Variants in RCOR3 observed in about 807,000 individuals in gnomAD.
RCOR3 encodes REST corepressor 3.
RCOR3 carries 13 observed loss-of-function variants against 64.1 expected under a neutral mutation model. The observed-to-expected ratio is 0.20, with a 90% confidence interval of 0.13 to 0.32. The LOEUF (loss-of-function observed/expected upper bound fraction) is 0.32. Among genes scored for constraint, RCOR3 ranks in the 10% least tolerant of loss-of-function variants. The pLI is 1.00. For missense variants in RCOR3, 489 were observed against 701.2 expected (o/e 0.70, Z 3.42); for synonymous variants, 215 against 239.0 (o/e 0.90, Z 0.93).
chr1:211,301,249 A>G (rs1700350293), intron 9 of RCOR3, among the ~76,000 whole-genome samples: 1 of 152,186 alleles, frequency 6.6e-6, no homozygotes, highest in Non-Finnish European at 1.5e-5. Flanking sequence ...ACTCCACCTG[A>G]ATGTCGAATA....
In RCOR3 at chr1:211,271,236, T is replaced by C. The variant is rs771685369; in HGVS notation, c.228T>C (p.Ala76=). 1.2e-6 allele frequency: 2 copies of C among 1,611,938 alleles called. No homozygotes were observed. Among genetic ancestry groups the C allele is most frequent in the South Asian group, 2.2e-5 (2 of 90,896 alleles). ...GTAATTATCTTTTTCCCCCAGGTGC[T>C]ACAAAGTACACAGATAAAGACAATG... The part of the protein sequence containing the change: ...QARIPEFDPG[A]TKYTDKDNGG... Residue 76 remains alanine (A), a synonymous_variant, in exon 3 of 12, where the codon GCT becomes GCC. Transcript: ENST00000419091.
chr1:211,295,884 T>TA, intron 9 of RCOR3, 131 bp downstream of exon 9: 1 of 611,182 alleles, frequency 1.6e-6, no homozygotes, highest in Non-Finnish European at 2.9e-6. Context: ...GATAATTTAT[T>TA]ATGTCTCTTT....
intron 8 of RCOR3, among the ~76,000 whole-genome samples, chr1:211,292,223 T>A (rs1699324015): frequency 6.6e-6 from 1 of 152,208 alleles, no homozygotes; most frequent in African/African-American, 2.4e-5. Flanking sequence ...CTCTCTGGAG[T>A]ATGTGTGTTT....
rs1393964044 is a variant in RCOR3 at position 211,278,107 on chromosome 1, T to C, written c.517-10T>C. 1 of 1,587,750 alleles carries C rather than the reference T, an allele frequency of 6.3e-7. No individual in the cohort carries two copies. Among genetic ancestry groups the C allele is most frequent in the Non-Finnish European group, 8.6e-7 (1 of 1,168,522 alleles). ...TTAAACTTGCTGATATTAACATGAT[T>C]TTTTTTAAGCTTCCAGATAAGACAA... On this transcript the variant is annotated splice_polypyrimidine_tract_variant and intron_variant, in intron 5 of 11. Coordinates refer to ENST00000419091, the MANE Select transcript of RCOR3 (RefSeq NM_001136223.3).
chr1:211,269,519 C>A (rs1695795908), intron 2 of RCOR3, among the ~76,000 whole-genome samples: 1 of 151,890 alleles, frequency 6.6e-6, no homozygotes, highest in Non-Finnish European at 1.5e-5. Context: ...ATCGCTTGAA[C>A]CTGAGAGGCA....
At chr1:211,284,800 G>A (rs1698308494) in intron 7 of RCOR3, among the ~76,000 whole-genome samples, 1 of 152,208 alleles carries the variant, frequency 6.6e-6, no homozygotes, top group Non-Finnish European at 1.5e-5. Context: ...GGGATAACAG[G>A]TGTGAGCCCT....
intron 9 of RCOR3, among the ~76,000 whole-genome samples, chr1:211,300,573 A>C (rs1339781098): frequency 1.3e-5 from 2 of 152,154 alleles, no homozygotes; most frequent in Non-Finnish European, 2.9e-5. Flanking sequence ...TTTGTCTTCT[A>C]TACATGTAGG....
At chr1:211,277,574 A>T (rs1464038120) in intron 5 of RCOR3, among the ~76,000 whole-genome samples, 1 of 152,246 alleles carries the variant, frequency 6.6e-6, no homozygotes, top group Admixed American at 6.5e-5. Flanking sequence ...AAAAGGTCAC[A>T]TATTGTATGA....
chr1:211,289,587 A>G (rs992496858), intron 8 of RCOR3, among the ~76,000 whole-genome samples, 191 bp downstream of exon 8: 1 of 152,166 alleles, frequency 6.6e-6, no homozygotes, highest in Non-Finnish European at 1.5e-5. Context: ...GAATCCCAGC[A>G]TTGCTGCCTG....
At chr1:211,294,164 T>C (rs1699579232) in intron 8 of RCOR3, among the ~76,000 whole-genome samples, 1 of 152,258 alleles carries the variant, frequency 6.6e-6, no homozygotes, top group African/African-American at 2.4e-5. Context: ...ATGATTTTTG[T>C]CAGCAAAACA....
chr1:211,312,601 G>A lies in RCOR3; in HGVS notation c.1076-119G>A. 1 of 758,274 alleles carries A rather than the reference G, an allele frequency of 1.3e-6. No individual in the cohort carries two copies. The highest frequency in any genetic ancestry group is 2.4e-5 in the East Asian group (1 of 40,874). The allele number at this position is 758,274 out of a possible 1,614,324, so 47.0% of individuals were successfully genotyped here. A position where few individuals can be genotyped will look rare whatever the true frequency, so the allele number is the denominator to read the frequency against. ...AGCCTCTATCTCAGAATTGAGAAATGAGCAGAGTTTATCAGAAAGGAATTT... is the reference window on the plus strand; with the variant it reads ...AGCCTCTATCTCAGAATTGAGAAATAAGCAGAGTTTATCAGAAAGGAATTT... On this transcript the variant is annotated intron_variant, in intron 10 of 11. Coordinates refer to ENST00000419091, the MANE Select transcript of RCOR3 (RefSeq NM_001136223.3). This position sits in a 1 kb window ranked among gnomAD's most constrained non-coding sequence, Gnocchi z 5.0.
intron 2 of RCOR3, 106 bp downstream of exon 2, chr1:211,260,270 G>A: frequency 1.0e-6 from 1 of 972,676 alleles, no homozygotes; most frequent in South Asian, 1.4e-5. Flanking sequence ...ATGCGGGGTT[G>A]GGCTGGGCAG....
At chr1:211,261,447 C>A (rs774569333) in intron 2 of RCOR3, among the ~76,000 whole-genome samples, 2 of 152,116 alleles carry the variant, frequency 1.3e-5, no homozygotes, top group Non-Finnish European at 2.9e-5. Flanking sequence ...AAATGACTGG[C>A]TGGGAATACA....
At chr1:211,284,672 C>G (rs2102544643) in intron 7 of RCOR3, among the ~76,000 whole-genome samples, 1 of 152,186 alleles carries the variant, frequency 6.6e-6, no homozygotes, top group East Asian at 1.9e-4. Context: ...CATGCACCAC[C>G]ACACCCAGCT....
At chr1:211,290,130 A>T (rs1699069086) in intron 8 of RCOR3, among the ~76,000 whole-genome samples, 1 of 151,892 alleles carries the variant, frequency 6.6e-6, no homozygotes, top group Non-Finnish European at 1.5e-5. Context: ...CTGTTTTGTT[A>T]TTTTTTTCTT....
At chr1:211,297,421 T>C (rs1699955322) in intron 9 of RCOR3, among the ~76,000 whole-genome samples, 1 of 152,168 alleles carries the variant, frequency 6.6e-6, no homozygotes, top group Non-Finnish European at 1.5e-5. Context: ...AAACTCTGGC[T>C]ATAGCTCATC....
intron 2 of RCOR3, among the ~76,000 whole-genome samples, chr1:211,270,992 C>T (rs1696099219): frequency 6.6e-6 from 1 of 152,000 alleles, no homozygotes; most frequent in African/African-American, 2.4e-5. Context: ...GTAGCTGGGA[C>T]TACAGGTGCC....
At chr1:211,263,128 T>C (rs986202249) in intron 2 of RCOR3, among the ~76,000 whole-genome samples, 2 of 145,928 alleles carry the variant, frequency 1.4e-5, no homozygotes, top group African/African-American at 4.9e-5. Context: ...CGGTGTTTGG[T>C]TTTTTGTCCT....
At chr1:211,304,876 A>T (rs1233775996) in intron 10 of RCOR3, among the ~76,000 whole-genome samples, 2 of 152,138 alleles carry the variant, frequency 1.3e-5, no homozygotes, top group Non-Finnish European at 2.9e-5. Flanking sequence ...TTTCCTCTTC[A>T]TGATAAATTT....
Sources: allele counts gnomAD v4.1 joint callset (sites outside exome capture counted in the v4.1 genomes callset), GRCh38; gene constraint gnomAD v4.1.1; non-coding constraint Gnocchi (gnomAD v3.1); transcripts MANE v1.5; gene names NCBI Gene and HGNC (gene_info 2026-07-23, HGNC 2026-07-21).